Variants in TMEM26 observed in about 807,000 individuals in gnomAD.
The protein encoded by TMEM26 is transmembrane protein 26.
A neutral mutation model predicts 28.8 loss-of-function variants in TMEM26; 38 were observed. That is an observed-to-expected ratio of 1.32 (90% CI 1.02 to 1.73). TMEM26 has a LOEUF of 1.73. Among genes scored for constraint, TMEM26 ranks in the 40% most tolerant of loss-of-function variants. TMEM26 has a pLI of 0.00. For missense variants in TMEM26, 518 were observed against 447.1 expected (o/e 1.16, Z -1.43); for synonymous variants, 227 against 182.9 (o/e 1.24, Z -1.95).
At chr10:61,426,312 T>G (rs1401066332) in intron 4 of TMEM26, among the ~76,000 whole-genome samples, 2 of 151,744 alleles carry the variant, frequency 1.3e-5, no homozygotes, top group Non-Finnish European at 2.9e-5. Context: ...CTTTTTGGAG[T>G]GATGGGAATG....
At chr10:61,417,468 T>G (rs1056032150) in intron 4 of TMEM26, among the ~76,000 whole-genome samples, 2 of 150,658 alleles carry the variant, frequency 1.3e-5, no homozygotes, top group Admixed American at 6.7e-5. Flanking sequence ...TCATCTAGTT[T>G]TTTTTTTTTT....
chr10:61,410,858 G>C, intron 5 of TMEM26, 112 bp from the exon 6 acceptor site: 1 of 1,077,082 alleles, frequency 9.3e-7, no homozygotes, highest in Non-Finnish European at 1.3e-6. Context: ...ATAATTCTGT[G>C]ATTTAATTAC....
intron 4 of TMEM26, chr10:61,414,141 A>G: frequency 1.3e-6 from 1 of 748,682 alleles, no homozygotes; most frequent in Non-Finnish European, 1.6e-6. Flanking sequence ...TGATGGATAC[A>G]ACATATATTT....
intron 1 of TMEM26, among the ~76,000 whole-genome samples, chr10:61,442,764 G>A (rs887614835): frequency 4.6e-5 from 7 of 152,192 alleles, no homozygotes; most frequent in Non-Finnish European, 1.0e-4. Context: ...AAGGTTGTCT[G>A]TCCTTCTTAC....
At chr10:61,418,312 C>T (rs1839687629) in intron 4 of TMEM26, among the ~76,000 whole-genome samples, 1 of 151,924 alleles carries the variant, frequency 6.6e-6, no homozygotes, top group Non-Finnish European at 1.5e-5. Flanking sequence ...GGATCCTACC[C>T]TCTCACAGAG....
chr10:61,434,825 A>T (rs1839978171), intron 2 of TMEM26, among the ~76,000 whole-genome samples: 1 of 152,208 alleles, frequency 6.6e-6, no homozygotes, highest in Non-Finnish European at 1.5e-5. Flanking sequence ...AAGGTTATAT[A>T]TTGGAGGCAG....
chr10:61,441,993 T>A (rs1840102521), intron 1 of TMEM26, among the ~76,000 whole-genome samples: 1 of 151,976 alleles, frequency 6.6e-6, no homozygotes, highest in Admixed American at 6.6e-5. Flanking sequence ...CTCAAAGGAG[T>A]TTTTTTCTTT....
At chr10:61,441,803 C>A (rs1307187457) in intron 1 of TMEM26, among the ~76,000 whole-genome samples, 1 of 152,152 alleles carries the variant, frequency 6.6e-6, no homozygotes, top group African/African-American at 2.4e-5. Flanking sequence ...AATTACCTGT[C>A]AGAATACCAA....
In TMEM26 at chr10:61,453,381, T is replaced by G; in HGVS notation, c.-300A>C. The G allele has an allele frequency of 3.4e-6, 1 of 295,242 alleles. No individual in the cohort carries two copies. The highest frequency in any genetic ancestry group is 6.5e-6 in the Non-Finnish European group (1 of 153,718). 18.3% of individuals were successfully genotyped at this position (295,242 alleles called of 1,614,324 possible). ...TCTCCAGGGCGTTATTCTCCAGCGCTGCCCATCCCCCTCCCAATCTCGGGG... is the reference window on the plus strand; with the variant it reads ...TCTCCAGGGCGTTATTCTCCAGCGCGGCCCATCCCCCTCCCAATCTCGGGG... On this transcript the variant is annotated 5_prime_UTR_variant, in exon 1 of 6. Transcript: ENST00000399298.
intron 3 of TMEM26, among the ~76,000 whole-genome samples, chr10:61,430,993 G>A (rs1369853286): frequency 6.6e-6 from 1 of 151,720 alleles, no homozygotes; most frequent in South Asian, 2.1e-4. Context: ...AATGATGCAG[G>A]TTAAATATAT....
intron 1 of TMEM26, among the ~76,000 whole-genome samples, chr10:61,441,195 G>T (rs1412918786): frequency 6.6e-6 from 1 of 152,158 alleles, no homozygotes; most frequent in East Asian, 1.9e-4. Context: ...TATCTGGCAT[G>T]TGATGAGCTC....
rs541053677 is a variant in TMEM26 at position 61,425,665 on chromosome 10, T to C, written c.605+3261A>G. Reference sequence around the variant, plus strand: ...CACATCACCAAAGAAGATAGATGAATAGCTAATATTTCCATGAAAAGATGC... The same window carrying C: ...CACATCACCAAAGAAGATAGATGAACAGCTAATATTTCCATGAAAAGATGC... On this transcript the variant is annotated intron_variant, in intron 4 of 5. Coordinates refer to ENST00000399298, the MANE Select transcript of TMEM26 (RefSeq NM_178505.8). 8.5e-5 allele frequency among the ~76,000 whole-genome samples: 13 copies of C among 152,208 alleles called. No individual in the cohort carries two copies. In the East Asian group the frequency reaches 2.5e-3, roughly 29 times the overall value.
rs753550308 is a variant in TMEM26, at chr10:61,428,993, TAAG to T, written c.535_537del (p.Leu179del). 33 of 1,613,188 alleles carry T rather than the reference TAAG, an allele frequency of 2.0e-5. No homozygotes were observed. Among genetic ancestry groups the T allele is most frequent in the Admixed American group, 3.3e-5 (2 of 59,892 alleles). The stretch of plus-strand genomic sequence containing the variant: ...ATGTCAGCCGCTGTCCCCACAAACA[TAAG>T]AAGAAGTTGAGAGAGTTGATCTCGA... On this transcript the variant is annotated inframe_deletion, in exon 4 of 6. Transcript: ENST00000399298.
chr10:61,407,257 T>G lies in TMEM26; in HGVS notation c.*3065A>C, dbSNP rs116172745. 2 of 152,158 alleles carry G rather than the reference T, an allele frequency of 1.3e-5. No homozygotes were observed. Among genetic ancestry groups the G allele is most frequent in the Non-Finnish European group, 2.9e-5 (2 of 68,028 alleles). The allele number at this position is 152,158 out of a possible 1,614,324, so 9.4% of individuals were successfully genotyped here. A position where few individuals can be genotyped will look rare whatever the true frequency, so the allele number is the denominator to read the frequency against. The stretch of plus-strand genomic sequence containing the variant: ...TTCCAGAGCTTTGGAAATGTTCAAT[T>G]AAATAATGAGTTAACAATTAGTATT... On this transcript the variant is annotated 3_prime_UTR_variant, in exon 6 of 6. Transcript: ENST00000399298.
chr10:61,436,412 T>G (rs1005954239), intron 1 of TMEM26, among the ~76,000 whole-genome samples, 164 bp from the exon 2 acceptor site: 1 of 152,160 alleles, frequency 6.6e-6, no homozygotes, highest in Non-Finnish European at 1.5e-5. Context: ...AAAAAAGCAT[T>G]ATGTGATTTC....
At chr10:61,425,643 A>G (rs960296577) in intron 4 of TMEM26, among the ~76,000 whole-genome samples, 30 of 152,128 alleles carry the variant, frequency 2.0e-4, no homozygotes, top group African/African-American at 7.0e-4. Context: ...AAACAGACAC[A>G]TCACCAAAGA....
intron 1 of TMEM26, among the ~76,000 whole-genome samples, chr10:61,446,243 T>C (rs1840178396): frequency 6.6e-6 from 1 of 152,208 alleles, no homozygotes; most frequent in African/African-American, 2.4e-5. Context: ...TCCTAAACCA[T>C]GACTTGGATT....
intron 2 of TMEM26, among the ~76,000 whole-genome samples, chr10:61,435,890 T>C (rs1839997267): frequency 6.6e-6 from 1 of 152,084 alleles, no homozygotes; most frequent in African/African-American, 2.4e-5. Flanking sequence ...TACCATCCTG[T>C]AGGGTGGGGG....
At chr10:61,446,012 A>C (rs1325129964) in intron 1 of TMEM26, among the ~76,000 whole-genome samples, 1 of 152,072 alleles carries the variant, frequency 6.6e-6, no homozygotes, top group African/African-American at 2.4e-5. Context: ...GAAGTGAAAA[A>C]AAATATATCA....
Sources: gnomAD v4.1 joint callset for allele counts (sites outside exome capture counted in the v4.1 genomes callset) on GRCh38, gnomAD v4.1.1 for gene constraint, MANE v1.5 for transcripts, NCBI Gene and HGNC (gene_info 2026-07-23, HGNC 2026-07-21) for gene names.